Variants in TMOD1 observed in about 807,000 individuals in gnomAD.
TMOD1 encodes the protein tropomodulin 1.
A neutral mutation model predicts 40.6 loss-of-function variants in TMOD1; 17 were observed. That is an observed-to-expected ratio of 0.42 (90% CI 0.29 to 0.63). TMOD1 has a LOEUF of 0.63. Ranked by LOEUF, TMOD1 falls within the 20% of genes least tolerant of loss-of-function variation. TMOD1 has a pLI of 0.22. For missense variants in TMOD1, 391 were observed against 447.6 expected (o/e 0.87, Z 1.14); for synonymous variants, 181 against 175.0 (o/e 1.03, Z -0.27).
At chr9:97,547,871 C>T (rs1830390017) in intron 3 of TMOD1, among the ~76,000 whole-genome samples, 1 of 152,190 alleles carries the variant, frequency 6.6e-6, no homozygotes, top group Admixed American at 6.5e-5. Context: ...AAGTGGTACT[C>T]CCAGCATGCA....
intron 8 of TMOD1, among the ~76,000 whole-genome samples, chr9:97,582,123 ATGGTTTTAGGTCTAACG>A: frequency 6.6e-6 from 1 of 152,202 alleles, no homozygotes; most frequent in Admixed American, 6.5e-5. Flanking sequence ...TAGGGTTTTT[ATGGTTTTAGGTCTAACG>A]TTTAAGTCTT....
intron 1 of TMOD1, among the ~76,000 whole-genome samples, 164 bp from the exon 2 acceptor site, chr9:97,523,977 T>C (rs1233624248): frequency 6.6e-6 from 1 of 152,252 alleles, no homozygotes; most frequent in East Asian, 1.9e-4. Context: ...TTGCACAGTT[T>C]TATTAGAGAA....
intron 2 of TMOD1, among the ~76,000 whole-genome samples, chr9:97,529,359 A>G (rs1830065182): frequency 6.6e-6 from 1 of 152,114 alleles, no homozygotes; most frequent in Non-Finnish European, 1.5e-5. Flanking sequence ...CTCTAACCAC[A>G]TATGATTTCT....
At chr9:97,505,932 A>G (rs1829583916) in intron 1 of TMOD1, among the ~76,000 whole-genome samples, 1 of 152,136 alleles carries the variant, frequency 6.6e-6, no homozygotes, top group Non-Finnish European at 1.5e-5. Context: ...CACCTGCGTC[A>G]ATTGTCTCCC....
At chr9:97,598,632 G>A (rs1012138375) in intron 9 of TMOD1, among the ~76,000 whole-genome samples, 14 of 152,182 alleles carry the variant, frequency 9.2e-5, no homozygotes. Context: ...CAAGAAGTTG[G>A]ACATTCTGAT....
chr9:97,589,840 T>C (rs1227274923), intron 8 of TMOD1, among the ~76,000 whole-genome samples: 1 of 152,156 alleles, frequency 6.6e-6, no homozygotes, highest in African/African-American at 2.4e-5. Context: ...TTCTGTCTTT[T>C]ACCTCCTGTT....
intron 8 of TMOD1, among the ~76,000 whole-genome samples, chr9:97,574,250 G>T (rs1433332930): frequency 6.6e-6 from 1 of 152,002 alleles, no homozygotes; most frequent in East Asian, 1.9e-4. Context: ...AGGGCTGTGC[G>T]CGGCGCTTGC....
At chr9:97,531,640 T>A (rs1341699103) in intron 2 of TMOD1, among the ~76,000 whole-genome samples, 1 of 152,046 alleles carries the variant, frequency 6.6e-6, no homozygotes, top group Non-Finnish European at 1.5e-5. Flanking sequence ...CAAAGGGCCA[T>A]GAATTGCAGG....
chr9:97,562,851 C>T (rs1273848397), intron 5 of TMOD1, 30 bp downstream of exon 5: 2 of 1,543,104 alleles, frequency 1.3e-6, no homozygotes, highest in African/African-American at 2.8e-5. Context: ...CAGGAGGGAC[C>T]TCATGCTTCT....
intron 1 of TMOD1, among the ~76,000 whole-genome samples, chr9:97,507,008 A>G (rs569834411): frequency 8.5e-5 from 13 of 152,238 alleles, no homozygotes; most frequent in Non-Finnish European, 1.5e-4. Flanking sequence ...GGTGGTGTTG[A>G]CTAGTATCTA....
chr9:97,565,721 T>G (rs1830716863), intron 6 of TMOD1, 127 bp from the exon 7 acceptor site: 1 of 713,108 alleles, frequency 1.4e-6, no homozygotes, highest in African/African-American at 1.8e-5. Flanking sequence ...AGCCTAAACC[T>G]TTTGCCCATT....
chr9:97,580,292 A>G (rs1246148760), intron 8 of TMOD1, among the ~76,000 whole-genome samples: 1 of 152,146 alleles, frequency 6.6e-6, no homozygotes, highest in East Asian at 1.9e-4. Flanking sequence ...ATAATTGCAG[A>G]CTAGTATGCA....
intron 9 of TMOD1, among the ~76,000 whole-genome samples, chr9:97,596,842 C>G (rs1177477347): frequency 1.3e-5 from 2 of 152,238 alleles, no homozygotes; most frequent in African/African-American, 4.8e-5. Context: ...TTAGTTGCCA[C>G]CTGGGAAGGT....
Position 97,503,700 on chromosome 9 carries a change from T to A in TMOD1, c.-49+1897T>A, listed in dbSNP as rs540471434. Reference sequence around the variant, plus strand: ...CCCTCCTTCAGGGTAGGGCGTTTTCTTGCAGCTCAGCAAAAACAGAAAACA... The same window carrying A: ...CCCTCCTTCAGGGTAGGGCGTTTTCATGCAGCTCAGCAAAAACAGAAAACA... On this transcript the variant is annotated intron_variant, in intron 1 of 9. Coordinates refer to ENST00000259365, the MANE Select transcript of TMOD1 (RefSeq NM_003275.4). Among the ~76,000 whole-genome samples the A allele has an allele frequency of 5.3e-5, 8 of 152,326 alleles. No individual in the cohort carries two copies. In the South Asian group the frequency reaches 1.7e-3, roughly 32 times the overall value.
intron 2 of TMOD1, among the ~76,000 whole-genome samples, chr9:97,543,506 T>C (rs1261894652): frequency 2.0e-5 from 3 of 152,256 alleles, no homozygotes; most frequent in Non-Finnish European, 4.4e-5. Context: ...TTTAATTTTC[T>C]CAACCACTCT....
At position 97,524,185 on chromosome 9, in the gene TMOD1, C is replaced by T. The variant is rs1402042066; in HGVS notation, c.-4C>T. 6.2e-7 allele frequency: 1 copy of T among 1,613,162 alleles called. No homozygotes were observed. Among genetic ancestry groups the T allele is most frequent in the East Asian group, 2.2e-5 (1 of 44,862 alleles). On this transcript the variant is annotated 5_prime_UTR_variant, in exon 2 of 10. Coordinates refer to ENST00000259365, the MANE Select transcript of TMOD1 (RefSeq NM_003275.4). Reference sequence around the variant, plus strand: ...TTCAGGAGACACAGACAAGTTCTTCCACGATGTCGTACAGACGAGAACTAG... The same window carrying T: ...TTCAGGAGACACAGACAAGTTCTTCTACGATGTCGTACAGACGAGAACTAG...
intron 4 of TMOD1, among the ~76,000 whole-genome samples, chr9:97,560,022 C>G (rs1248647963): frequency 1.3e-5 from 2 of 151,248 alleles, no homozygotes; most frequent in Non-Finnish European, 2.9e-5. Context: ...TGCCCAAGGT[C>G]ACACTGACAT....
rs368948535 is a variant in TMOD1 at position 97,564,064 on chromosome 9, C to T, written c.514C>T (p.Pro172Ser). ...NSVIKPTQYK[P>S]VPDEEPNSTD... ...CGTGATTAAACCCACACAATACAAGCCTGTGCCCGACGAAGAACCAAATTC... is the reference window on the plus strand; with the variant it reads ...CGTGATTAAACCCACACAATACAAGTCTGTGCCCGACGAAGAACCAAATTC... Residue 172 changes from proline to serine, a missense_variant, in exon 6 of 10, where the codon CCT (proline) becomes TCT (serine). Physicochemically the swap from Pro to Ser is moderately conservative, Grantham distance 74. Transcript: ENST00000259365. 13 of 1,614,084 alleles carry T rather than the reference C, an allele frequency of 8.1e-6. No homozygotes were observed. Among genetic ancestry groups the T allele is most frequent in the Non-Finnish European group, 1.1e-5 (13 of 1,180,042 alleles).
chr9:97,599,813 G>GTTC lies in TMOD1; in HGVS notation c.*118_*120dup. On this transcript the variant is annotated 3_prime_UTR_variant, in exon 10 of 10. Transcript: ENST00000259365. ...CAGCATGAAACCCTTTTGTGGTTCA[G>GTTC]TTCTTTATGCACTAAGGTTTTAGGT... The GTTC allele has an allele frequency of 6.4e-7, 1 of 1,569,346 alleles. No individual in the cohort carries two copies. Among genetic ancestry groups the GTTC allele is most frequent in the Non-Finnish European group, 8.7e-7 (1 of 1,153,100 alleles).
Sources: gnomAD v4.1 joint callset for allele counts (sites outside exome capture counted in the v4.1 genomes callset) on GRCh38, gnomAD v4.1.1 for gene constraint, MANE v1.5 for transcripts, NCBI Gene and HGNC (gene_info 2026-07-23, HGNC 2026-07-21) for gene names.